Variants in WWOX observed in about 807,000 individuals in gnomAD.
The protein encoded by WWOX is WW domain-containing oxidoreductase.
A neutral mutation model predicts 46.2 loss-of-function variants in WWOX; 69 were observed. That is an observed-to-expected ratio of 1.49 (90% CI 1.23 to 1.82). The LOEUF is 1.82. WWOX is among the 40% of genes most tolerant of loss of function. WWOX has a pLI of 0.00. For missense variants in WWOX, 919 were observed against 542.6 expected (o/e 1.69, Z -6.89); for synonymous variants, 359 against 202.6 (o/e 1.77, Z -6.56).
intron 8 of WWOX, among the ~76,000 whole-genome samples, chr16:78,752,206 G>A (rs2049499604): frequency 6.6e-6 from 1 of 152,208 alleles, no homozygotes; most frequent in African/African-American, 2.4e-5. Context: ...AAGTAGTTGA[G>A]TGACTTGAAA....
chr16:79,092,996 A>T (rs1451712008), intron 8 of WWOX, among the ~76,000 whole-genome samples: 3 of 152,194 alleles, frequency 2.0e-5, no homozygotes, highest in African/African-American at 7.2e-5. Context: ...GGTTTTCACC[A>T]TTATATTCAA....
chr16:78,763,306 G>A (rs192616109), intron 8 of WWOX, among the ~76,000 whole-genome samples: 144 of 152,302 alleles, frequency 9.5e-4, no homozygotes, highest in Non-Finnish European at 1.9e-3. Flanking sequence ...TTCAAAATAT[G>A]TTCCAATTTC....
At chr16:78,104,233 C>A (rs1157636781) in intron 1 of WWOX, among the ~76,000 whole-genome samples, 4 of 86,928 alleles carry the variant, frequency 4.6e-5, no homozygotes, top group African/African-American at 1.4e-4. Context: ...GTGCTCAAAA[C>A]ACACACACAC....
At chr16:78,166,183 T>A (rs1262442670) in intron 5 of WWOX, among the ~76,000 whole-genome samples, 2 of 152,174 alleles carry the variant, frequency 1.3e-5, no homozygotes, top group Non-Finnish European at 2.9e-5. Flanking sequence ...TTTTTTAAAC[T>A]TAGTACTGCA....
intron 8 of WWOX, among the ~76,000 whole-genome samples, chr16:79,058,358 A>G (rs755924552): frequency 2.7e-4 from 39 of 145,324 alleles, no homozygotes; most frequent in Admixed American, 3.5e-4. Flanking sequence ...TTAGTATCAC[A>G]TTTGGCAAGT....
At chr16:78,880,487 C>G (rs957936287) in intron 8 of WWOX, among the ~76,000 whole-genome samples, 4 of 152,156 alleles carry the variant, frequency 2.6e-5, no homozygotes, top group Admixed American at 1.3e-4. Flanking sequence ...GTCTACAAAA[C>G]AAGAAATAAT....
chr16:79,163,756 C>G (rs530704152), intron 8 of WWOX, among the ~76,000 whole-genome samples: 2 of 139,468 alleles, frequency 1.4e-5, no homozygotes, highest in East Asian at 4.1e-4. Context: ...GAGATCGTGC[C>G]ATTGCACTCT....
intron 7 of WWOX, among the ~76,000 whole-genome samples, chr16:78,428,660 T>A (rs1027008129): frequency 6.6e-6 from 1 of 152,230 alleles, no homozygotes; most frequent in Non-Finnish European, 1.5e-5. Context: ...TCCCTAGTCA[T>A]GACATACTTC....
chr16:79,019,187 A>AAAAG (rs2047480373), intron 8 of WWOX, among the ~76,000 whole-genome samples: 1 of 81,856 alleles, frequency 1.2e-5, no homozygotes, highest in Non-Finnish European at 2.3e-5. Flanking sequence ...AAAAAAAAAG[A>AAAAG]AAAAAAAAAG....
At chr16:78,587,216 T>TTTTTTTTTTTTTTTTTTTTTTG (rs2045230607) in intron 8 of WWOX, among the ~76,000 whole-genome samples, 8 of 135,064 alleles carry the variant, frequency 5.9e-5, no homozygotes, top group African/African-American at 2.1e-4. Flanking sequence ...TTTTTTTTTT[T>TTTTTTTTTTTTTTTTTTTTTTG]GTAGAAACAG....
intron 5 of WWOX, among the ~76,000 whole-genome samples, chr16:78,352,878 C>G (rs573410199): frequency 2.0e-5 from 3 of 152,016 alleles, no homozygotes; most frequent in African/African-American, 4.8e-5. Flanking sequence ...ATTGGCTGTA[C>G]AAAGAAACTG....
chr16:78,560,405 G>A (rs1248657579), intron 8 of WWOX, among the ~76,000 whole-genome samples: 1 of 152,208 alleles, frequency 6.6e-6, no homozygotes, highest in Non-Finnish European at 1.5e-5. Context: ...CACTTTGGGA[G>A]GCCGAGGTGG....
chr16:78,179,062 A>G (rs2003606), intron 5 of WWOX, among the ~76,000 whole-genome samples: 9,338 of 152,156 alleles, frequency 0.061, 959 homozygotes, highest in African/African-American at 0.21. Flanking sequence ...GGGTGGAGTC[A>G]CCATTTGTGG....
intron 4 of WWOX, among the ~76,000 whole-genome samples, chr16:78,153,288 G>C (rs1418572371): frequency 6.6e-6 from 1 of 152,148 alleles, no homozygotes; most frequent in Non-Finnish European, 1.5e-5. Context: ...CTGTGGGGGA[G>C]TTGGATTTCA....
At chr16:78,597,571 G>C (rs2045520246) in intron 8 of WWOX, among the ~76,000 whole-genome samples, 1 of 152,134 alleles carries the variant, frequency 6.6e-6, no homozygotes, top group Admixed American at 6.5e-5. Flanking sequence ...TGAAAAGCCA[G>C]GACTTAGATT....
intron 7 of WWOX, among the ~76,000 whole-genome samples, chr16:78,430,122 G>A (rs753634143): frequency 9.2e-5 from 14 of 152,186 alleles, no homozygotes; most frequent in Non-Finnish European, 1.5e-4. Context: ...GGAAGATGAA[G>A]GAAGGGCAAA....
At chr16:78,803,459 T>G in intron 8 of WWOX, among the ~76,000 whole-genome samples, 1 of 152,166 alleles carries the variant, frequency 6.6e-6, no homozygotes, top group East Asian at 1.9e-4. Flanking sequence ...CTCTTTTTTC[T>G]TTTTTGAGAC....
intron 5 of WWOX, among the ~76,000 whole-genome samples, chr16:78,243,138 C>G (rs1197742275): frequency 6.6e-6 from 1 of 152,114 alleles, no homozygotes; most frequent in African/African-American, 2.4e-5. Context: ...GTTTGGAAGC[C>G]CTTATTCCTT....
At chr16:78,435,126 G>A (rs115254685) in intron 8 of WWOX, among the ~76,000 whole-genome samples, 8 of 152,162 alleles carry the variant, frequency 5.3e-5, no homozygotes, top group Admixed American at 2.0e-4. Flanking sequence ...TTGGGAGTAC[G>A]TGTGCTCAGG....
Sources: allele counts gnomAD v4.1 joint callset (sites outside exome capture counted in the v4.1 genomes callset), GRCh38; gene constraint gnomAD v4.1.1; transcripts MANE v1.5; gene names NCBI Gene and HGNC (gene_info 2026-07-23, HGNC 2026-07-21).